CFHR2: variants seen among roughly 807,000 people sequenced by gnomAD.
CFHR2 encodes complement factor H related 2.
Under a neutral mutation model 21.7 loss-of-function variants are expected in CFHR2, and 22 were observed. The ratio of observed to expected loss-of-function variants is 1.01; its 90% CI spans 0.72 to 1.45. The LOEUF (loss-of-function observed/expected upper bound fraction) is 1.45. Among genes scored for constraint, CFHR2 ranks in the 40% most tolerant of loss-of-function variants. CFHR2 has a pLI of 0.00. For synonymous variants in CFHR2, 98 were observed against 97.4 expected (o/e 1.01, Z -0.04); for missense variants, 294 against 293.3 (o/e 1.00, Z -0.02).
intron 2 of CFHR2, among the ~76,000 whole-genome samples, chr1:196,950,322 T>C (rs147387835): frequency 6.6e-6 from 1 of 152,168 alleles, no homozygotes; most frequent in African/African-American, 2.4e-5. Flanking sequence ...AGTAACAACA[T>C]GAAATATTTT....
At position 196,949,566 on chromosome 1, in the gene CFHR2, A is replaced by G. The variant is rs534378537; in HGVS notation, c.170A>G (p.Tyr57Cys). The G allele has an allele frequency of 9.9e-6, 16 of 1,614,090 alleles. No individual in the cohort carries two copies. In the South Asian group the frequency reaches 1.3e-4, roughly 13 times the overall value. ...GAAGTTTTCTATTACTCCTGTGAATATAATTTTGTGTCTCCTTCAAAATCC... is the reference window on the plus strand; with the variant it reads ...GAAGTTTTCTATTACTCCTGTGAATGTAATTTTGTGTCTCCTTCAAAATCC... Reference protein sequence around the residue: ...TGEVFYYSCEYNFVSPSKSFW... With the variant: ...TGEVFYYSCECNFVSPSKSFW... Residue 57 changes from tyrosine to cysteine, a missense_variant, in exon 2 of 5, where the codon TAT becomes TGT. Physicochemically the swap from Tyr to Cys is radical, Grantham distance 194 (BLOSUM62 -2). Coordinates refer to ENST00000367415, the MANE Select transcript of CFHR2 (RefSeq NM_005666.4).
At position 196,958,968 on chromosome 1, in the gene CFHR2, G is replaced by T; in HGVS notation, c.701G>T (p.Gly234Val). 6.2e-7 allele frequency: 1 copy of T among 1,608,896 alleles called. No individual in the cohort carries two copies. Among genetic ancestry groups the T allele is most frequent in the East Asian group, 2.2e-5 (1 of 44,694 alleles). Residue 234 changes from glycine (G) to valine (V), a missense_variant, in exon 5 of 5, where the codon GGT (glycine) becomes GTT (valine). Gly to Val is a moderately radical substitution (Grantham distance 109). Coordinates refer to ENST00000367415, the MANE Select transcript of CFHR2 (RefSeq NM_005666.4). ...TNQQKLYSRT[G>V]DIVEFVCKSG... ...CAACAAAAGCTTTATTCAAGAACAG[G>T]TGACATAGTTGAATTTGTTTGTAAA...
In CFHR2 at chr1:196,958,010, C is replaced by A; in HGVS notation, c.550C>A (p.Leu184Ile). Residue 184 changes from leucine (L) to isoleucine (I), a missense_variant, in exon 4 of 5, where the codon CTT becomes ATT. Leu to Ile is a conservative substitution (Grantham distance 5). Transcript: ENST00000367415. Reference sequence around the variant, plus strand: ...GTACCAGTGCCAGAACTTGTATCAACTTGAGGGTAACAATCAAATAACATG... The same window carrying A: ...GTACCAGTGCCAGAACTTGTATCAAATTGAGGGTAACAATCAAATAACATG... ...VEYQCQNLYQLEGNNQITCRN... is the reference protein window; with the variant it reads ...VEYQCQNLYQIEGNNQITCRN... 1 of 1,613,684 alleles carries A rather than the reference C, an allele frequency of 6.2e-7. No homozygotes were observed. The highest frequency in any genetic ancestry group is 8.5e-7 in the Non-Finnish European group (1 of 1,179,732).
chr1:196,949,447 T>C lies in CFHR2; in HGVS notation c.59-8T>C, dbSNP rs1435450512. On this transcript the variant is annotated splice_polypyrimidine_tract_variant and splice_region_variant and intron_variant, in intron 1 of 4. Coordinates refer to ENST00000367415, the MANE Select transcript of CFHR2 (RefSeq NM_005666.4). ...ATGTAATTCTTCAGTTTTGTGTTAT[T>C]TTCCCAGCAATGTTCTGTGATTTTC... 1.9e-6 allele frequency: 3 copies of C among 1,606,972 alleles called. No individual in the cohort carries two copies. In the African/African-American group the frequency reaches 4.0e-5, roughly 22 times the overall value.
chr1:196,958,147 G>A (rs1652970058), intron 4 of CFHR2, 74 bp downstream of exon 4: 1 of 1,437,420 alleles, frequency 7.0e-7, no homozygotes, highest in South Asian at 1.2e-5. Context: ...GTTTGTAATA[G>A]AATTTTCACA....
chr1:196,948,957 T>A (rs1659621145), intron 1 of CFHR2, among the ~76,000 whole-genome samples: 1 of 152,158 alleles, frequency 6.6e-6, no homozygotes, highest in Non-Finnish European at 1.5e-5. Flanking sequence ...TTCAAAATGA[T>A]ATTAATAAAC....
intron 3 of CFHR2, among the ~76,000 whole-genome samples, chr1:196,953,030 C>T (rs1024852529): frequency 9.2e-5 from 14 of 152,206 alleles, no homozygotes; most frequent in African/African-American, 2.9e-4. Flanking sequence ...AGCTCAAGAA[C>T]GCTGTGGAGA....
chr1:196,944,889 T>C (rs1156907809), intron 1 of CFHR2, among the ~76,000 whole-genome samples: 1 of 148,436 alleles, frequency 6.7e-6, no homozygotes, highest in Non-Finnish European at 1.5e-5. Context: ...ATTCATTTTT[T>C]TTTTGAGATG....
At chr1:196,950,743 G>T (rs1400396725) in intron 2 of CFHR2, 109 bp from the exon 3 acceptor site, 2 of 1,262,366 alleles carry the variant, frequency 1.6e-6, no homozygotes, top group Non-Finnish European at 2.2e-6. Context: ...AAAGTGCAGG[G>T]ATTACCAGCT....
At position 196,959,097 on chromosome 1, in the gene CFHR2, A is replaced by G. The variant is rs1390056287; in HGVS notation, c.*17A>G. 2.0e-6 allele frequency: 3 copies of G among 1,511,682 alleles called. No individual in the cohort carries two copies. The highest frequency in any genetic ancestry group is 1.2e-5 in the South Asian group (1 of 83,710). 93.6% of individuals were successfully genotyped at this position (1,511,682 alleles called of 1,614,324 possible). A position where few individuals can be genotyped will look rare whatever the true frequency, so the allele number is the denominator to read the frequency against. On this transcript the variant is annotated 3_prime_UTR_variant, in exon 5 of 5. Transcript: ENST00000367415. ...GAAAAATAGAATCAATGGCATTACT[A>G]TTAGTAAAATGCACACCTTTTTCTG...
rs542336159 is a variant in CFHR2, at chr1:196,958,101, C to A, written c.613+28C>A. On this transcript the variant is annotated intron_variant, in intron 4 of 4. Transcript: ENST00000367415. The stretch of plus-strand genomic sequence containing the variant: ...AAGTACTTTAATATTCTCATGGATT[C>A]TGGAAAAATCAGTGTGATGAGTCTG... The A allele has an allele frequency of 8.4e-5, 135 of 1,600,686 alleles. 4 individuals carry two copies. In the South Asian group the frequency reaches 1.4e-3, roughly 17 times the overall value.
chr1:196,949,532 C>A lies in CFHR2; in HGVS notation c.136C>A (p.Pro46Thr). ...EEKYKPFSQV[P>T]TGEVFYYSCE... Reference sequence around the variant, plus strand: ...AAAATATAAGCCATTTTCCCAAGTTCCTACAGGGGAAGTTTTCTATTACTC... The same window carrying A: ...AAAATATAAGCCATTTTCCCAAGTTACTACAGGGGAAGTTTTCTATTACTC... The change falls in exon 2 of 5, where the codon CCT becomes ACT. Residue 46 changes from proline to threonine, a missense_variant. Transcript: ENST00000367415. 6.2e-7 allele frequency: 1 copy of A among 1,613,920 alleles called. No homozygotes were observed.
At chr1:196,951,926 T>C (rs1659743328) in intron 3 of CFHR2, among the ~76,000 whole-genome samples, 1 of 152,118 alleles carries the variant, frequency 6.6e-6, no homozygotes, top group East Asian at 1.9e-4. Flanking sequence ...TTCATTTTCT[T>C]AGTCATCACG....
rs774655640 is a variant in CFHR2 at position 196,958,995 on chromosome 1, C to A, written c.728C>A (p.Ser243Tyr). The A allele has an allele frequency of 6.2e-7, 1 of 1,612,238 alleles. No homozygotes were observed. The highest frequency in any genetic ancestry group is 1.1e-5 in the South Asian group (1 of 90,944). Reference protein sequence around the residue: ...TGDIVEFVCKSGYHPTKSHSF... With the variant: ...TGDIVEFVCKYGYHPTKSHSF... ...GACATAGTTGAATTTGTTTGTAAAT[C>A]TGGATATCATCCAACAAAATCTCAT... Residue 243 changes from serine to tyrosine, a missense_variant, in exon 5 of 5, where the codon TCT (serine) becomes TAT (tyrosine). Coordinates refer to ENST00000367415, the MANE Select transcript of CFHR2 (RefSeq NM_005666.4).
chr1:196,955,096 A>G (rs992330464), intron 3 of CFHR2, among the ~76,000 whole-genome samples: 1 of 152,170 alleles, frequency 6.6e-6, no homozygotes, highest in African/African-American at 2.4e-5. Flanking sequence ...GCAAACTTTT[A>G]TACTCTGTCA....
chr1:196,948,313 G>T (rs148507148), intron 1 of CFHR2, among the ~76,000 whole-genome samples: 1 of 151,548 alleles, frequency 6.6e-6, no homozygotes, highest in Non-Finnish European at 1.5e-5. Context: ...TTGCTCTGTC[G>T]CCCCCAGGAT....
chr1:196,950,917 G>A lies in CFHR2; in HGVS notation c.319G>A (p.Gly107Ser), dbSNP rs1659701823. 2 of 1,614,016 alleles carry A rather than the reference G, an allele frequency of 1.2e-6. No homozygotes were observed. The highest frequency in any genetic ancestry group is 8.5e-7 in the Non-Finnish European group (1 of 1,179,968). Reference sequence around the variant, plus strand: ...ATCTTCAGGACAAACACATCTGGAAGGTGATACTGTACAAATTATTTGCAA... The same window carrying A: ...ATCTTCAGGACAAACACATCTGGAAAGTGATACTGTACAAATTATTTGCAA... ...SESSGQTHLE[G>S]DTVQIICNTG... is the part of the protein sequence containing the mutation. The change falls in exon 3 of 5, where the codon GGT (glycine) becomes AGT (serine). Residue 107 changes from glycine (G) to serine (S), a missense_variant. Gly to Ser is a moderately conservative substitution (Grantham distance 56, BLOSUM62 0). Coordinates refer to ENST00000367415, the MANE Select transcript of CFHR2 (RefSeq NM_005666.4).
At chr1:196,949,726 C>T in intron 2 of CFHR2, 77 bp downstream of exon 2, 1 of 1,566,744 alleles carries the variant, frequency 6.4e-7, no homozygotes, top group Non-Finnish European at 8.8e-7. Context: ...ATCATAAACA[C>T]TTGATAATCA....
chr1:196,945,736 G>T (rs1830959), intron 1 of CFHR2, among the ~76,000 whole-genome samples: 36,114 of 134,618 alleles, frequency 0.27, 5,375 homozygotes, highest in East Asian at 0.71. Flanking sequence ...AATGTAAATA[G>T]GCAAATAAAT....
Sources: gnomAD v4.1 joint callset for allele counts (sites outside exome capture counted in the v4.1 genomes callset) on GRCh38, gnomAD v4.1.1 for gene constraint, MANE v1.5 for transcripts, NCBI Gene and HGNC (gene_info 2026-07-23, HGNC 2026-07-21) for gene names.